The following NUP133 variants were observed in gnomAD, a reference collection of about 807,000 sequenced individuals.
NUP133 encodes nuclear pore complex protein Nup133.
NUP133 carries 66 observed loss-of-function variants against 146.2 expected under a neutral mutation model. The observed-to-expected ratio is 0.45, with a 90% confidence interval of 0.37 to 0.55. The LOEUF (loss-of-function observed/expected upper bound fraction) is 0.55, where lower values mean the gene tolerates loss of function less well. NUP133 is among the 20% of genes least tolerant of loss of function. The pLI is 0.00. For synonymous variants in NUP133, 521 were observed against 498.8 expected (o/e 1.04, Z -0.59); for missense variants, 1,277 against 1,374.8 (o/e 0.93, Z 1.12).
At position 229,472,707 on chromosome 1, in the gene NUP133, C is replaced by CATACATATATATAT. The variant is rs58951309; in HGVS notation, c.1852-1904_1852-1903insATATATATATGTAT. 5.6e-5 allele frequency among the ~76,000 whole-genome samples: 7 copies of CATACATATATATAT among 124,266 alleles called. 1 individual carries two copies. Among genetic ancestry groups the CATACATATATATAT allele is most frequent in the African/African-American group, 2.2e-4 (7 of 31,914 alleles). The allele number at this position is 124,266 out of a possible 152,430, so 81.5% of individuals were successfully genotyped here. A position where few individuals can be genotyped will look rare whatever the true frequency, so the allele number is the denominator to read the frequency against. On this transcript the variant is annotated intron_variant, in intron 14 of 25. Transcript: ENST00000261396. ...CAAAAAAATTAAAAAACTAAATATA[C>CATACATATATATAT]ATATATATATATATATATATGTACA...
intron 12 of NUP133, among the ~76,000 whole-genome samples, chr1:229,481,011 T>C (rs1444727): frequency 0.3 from 46,021 of 151,972 alleles, 8,786 homozygotes; most frequent in African/African-American, 0.54. Flanking sequence ...ACAATGTTAA[T>C]GGGGTTGAGA....
rs145724710 is a variant in NUP133, at chr1:229,461,848, T to C, written c.2686-1079A>G. On this transcript the variant is annotated intron_variant, in intron 19 of 25. Transcript: ENST00000261396. ...AGTGCAAAAAATATTTATTTAGCAA[T>C]GTTTTGATATACTAAATAAGCCATG... Among the ~76,000 whole-genome samples the C allele has an allele frequency of 3.8e-3, 583 of 151,860 alleles. 14 individuals are homozygous for C. Among genetic ancestry groups the C allele is most frequent in the Admixed American group, 0.035 (534 of 15,244 alleles).
chr1:229,465,677 G>A (rs750934856), intron 16 of NUP133, among the ~76,000 whole-genome samples, 158 bp from the exon 17 acceptor site: 9 of 152,118 alleles, frequency 5.9e-5, no homozygotes, highest in Non-Finnish European at 8.8e-5. Context: ...GGAGGCTGAG[G>A]TAGGAGGATT....
chr1:229,480,837 C>A (rs921199068), intron 12 of NUP133, among the ~76,000 whole-genome samples: 2 of 151,046 alleles, frequency 1.3e-5, no homozygotes. Flanking sequence ...CAGGCATGTG[C>A]CACCACACCC....
chr1:229,506,104 A>G lies in NUP133; in HGVS notation c.237T>C (p.Tyr79=). 1.2e-6 allele frequency: 2 copies of G among 1,613,742 alleles called. No individual in the cohort carries two copies. Among genetic ancestry groups the G allele is most frequent in the East Asian group, 2.2e-5 (1 of 44,854 alleles). The change falls in exon 2 of 26, where the codon TAT becomes TAC. Residue 79 remains tyrosine, a synonymous_variant. Transcript: ENST00000261396. Reference sequence around the variant, plus strand: ...GAGAAGATCCAAACGTTTTCACATCATAGTTCACAGACTCAGTTATGGAGT... The same window carrying G: ...GAGAAGATCCAAACGTTTTCACATCGTAGTTCACAGACTCAGTTATGGAGT... ...PHHSITESVN[Y]DVKTFGSSLP...
intron 21 of NUP133, among the ~76,000 whole-genome samples, chr1:229,454,835 T>C (rs1390412570): frequency 1.3e-5 from 2 of 152,194 alleles, no homozygotes; most frequent in East Asian, 3.8e-4. Flanking sequence ...AAACACACTT[T>C]TTTTAGAACA....
chr1:229,452,747 T>C (rs1438870929), intron 21 of NUP133, 104 bp from the exon 22 acceptor site: 8 of 742,962 alleles, frequency 1.1e-5, no homozygotes, highest in East Asian at 1.0e-4. Flanking sequence ...AAGAAAAAAA[T>C]AGCTCCAGAG....
chr1:229,499,791 C>T lies in NUP133; in HGVS notation c.541G>A (p.Glu181Lys), dbSNP rs779860577. The T allele has an allele frequency of 2.5e-6, 4 of 1,613,932 alleles. No homozygotes were observed. The South Asian group carries it at 3.3e-5, about 13-fold the overall frequency. The part of the protein sequence containing the change: ...QAVAVMVATR[E>K]GSIRYWPSLA... The stretch of plus-strand genomic sequence containing the variant: ...CTTGGCCAATAGCGGATAGATCCTT[C>T]TCTGGTGGCAACCATGACAGCAACA... The change falls in exon 5 of 26, where the codon GAA (glutamate) becomes AAA (lysine). Residue 181 changes from glutamate (E) to lysine (K), a missense_variant. By Grantham distance (56) the Glu-to-Lys change is moderately conservative (BLOSUM62 1). Transcript: ENST00000261396.
intron 25 of NUP133, among the ~76,000 whole-genome samples, chr1:229,443,723 ATTTTTT>A (rs71561738): frequency 6.9e-5 from 8 of 116,158 alleles, no homozygotes; most frequent in Non-Finnish European, 1.2e-4. Flanking sequence ...CACATATATA[ATTTTTT>A]TTTTTTTTTT....
intron 8 of NUP133, among the ~76,000 whole-genome samples, chr1:229,492,168 G>T (rs187530444): frequency 1.3e-5 from 2 of 151,304 alleles, no homozygotes; most frequent in African/African-American, 4.9e-5. Flanking sequence ...GTGCCGGGGC[G>T]TGATCTCGGC....
intron 15 of NUP133, among the ~76,000 whole-genome samples, chr1:229,469,664 A>G (rs1660909294): frequency 6.6e-6 from 1 of 152,250 alleles, no homozygotes; most frequent in Non-Finnish European, 1.5e-5. Context: ...AGAGGGGCAC[A>G]GCCAATGTAA....
chr1:229,483,170 C>T (rs1424820464), intron 12 of NUP133, among the ~76,000 whole-genome samples: 2 of 152,186 alleles, frequency 1.3e-5, no homozygotes, highest in African/African-American at 4.8e-5. Context: ...GTGATTATGG[C>T]TCACAGTAGA....
At chr1:229,487,947 A>T (rs1384894963) in intron 9 of NUP133, among the ~76,000 whole-genome samples, 1 of 149,564 alleles carries the variant, frequency 6.7e-6, no homozygotes, top group African/African-American at 2.5e-5. Flanking sequence ...AGGCTCAAAC[A>T]ATTCTCCTGC....
At chr1:229,456,487 T>C (rs144730907) in intron 21 of NUP133, among the ~76,000 whole-genome samples, 383 of 152,332 alleles carry the variant, frequency 2.5e-3, no homozygotes, top group African/African-American at 8.9e-3. Flanking sequence ...GATGTTCAAA[T>C]AGTCCCCAAA....
At chr1:229,460,340 T>G (rs889699246) in intron 20 of NUP133, among the ~76,000 whole-genome samples, 2 of 152,104 alleles carry the variant, frequency 1.3e-5, no homozygotes, top group African/African-American at 4.8e-5. Flanking sequence ...GGACTACAGG[T>G]GTGTGTCACC....
At position 229,463,568 on chromosome 1, in the gene NUP133, C is replaced by A. The variant is rs375446105; in HGVS notation, c.2660G>T (p.Arg887Leu). ...EQTDNQSRLQ[R>L]YMTQFADQNF... ...CTGATCAGCAAACTGGGTCATGTAGCGCTGGAGTCGGCTCTGGTTGTCAGT... is the reference window on the plus strand; with the variant it reads ...CTGATCAGCAAACTGGGTCATGTAGAGCTGGAGTCGGCTCTGGTTGTCAGT... Residue 887 changes from arginine to leucine, a missense_variant, in exon 19 of 26, where the codon CGC becomes CTC. Arg to Leu is a moderately radical substitution (Grantham distance 102). Transcript: ENST00000261396. 6.2e-7 allele frequency: 1 copy of A among 1,614,016 alleles called. No individual in the cohort carries two copies. Among genetic ancestry groups the A allele is most frequent in the African/African-American group, 1.3e-5 (1 of 75,012 alleles).
chr1:229,495,185 T>C (rs1403840042), intron 8 of NUP133, among the ~76,000 whole-genome samples: 1 of 152,118 alleles, frequency 6.6e-6, no homozygotes, highest in Non-Finnish European at 1.5e-5. Context: ...GCCCAGGAGT[T>C]CAAGACCAAT....
At chr1:229,478,501 C>T (rs536078352) in intron 12 of NUP133, among the ~76,000 whole-genome samples, 96 of 152,080 alleles carry the variant, frequency 6.3e-4, no homozygotes, top group Non-Finnish European at 1.1e-3. Context: ...CACATCCGTC[C>T]GCAAGTAAGC....
chr1:229,483,170 C>A (rs1424820464), intron 12 of NUP133, among the ~76,000 whole-genome samples: 1 of 152,186 alleles, frequency 6.6e-6, no homozygotes, highest in African/African-American at 2.4e-5. Context: ...GTGATTATGG[C>A]TCACAGTAGA....
Sources: gnomAD v4.1 joint callset for allele counts (sites outside exome capture counted in the v4.1 genomes callset) on GRCh38, gnomAD v4.1.1 for gene constraint, MANE v1.5 for transcripts, NCBI Gene and HGNC (gene_info 2026-07-23, HGNC 2026-07-21) for gene names.